The following MALRD1 variants were observed in gnomAD, a reference collection of about 807,000 sequenced individuals.
The protein encoded by MALRD1 is MAM and LDL receptor class A domain containing 1, also known as MAM and LDL-receptor class A domain-containing protein 1.
A neutral mutation model predicts 242.1 loss-of-function variants in MALRD1; 247 were observed. That is an observed-to-expected ratio of 1.02 (90% confidence interval 0.92 to 1.13). The LOEUF is 1.13. MALRD1 is among the 50% of genes most tolerant of loss of function. The probability of loss-of-function intolerance (pLI) is 0.00; values close to 1 mark genes in which losing one functional copy is unlikely to be tolerated. For synonymous variants in MALRD1, 995 were observed against 866.6 expected (o/e 1.15, Z -2.60); for missense variants, 2,989 against 2,533.1 (o/e 1.18, Z -3.86).
In MALRD1 at chr10:19,539,857, CGTGTGTGTGTGTGTGTGTGT is replaced by C. The variant is rs368123598; in HGVS notation, c.5478+8528_5478+8547del. On this transcript the variant is annotated intron_variant, in intron 32 of 39. Transcript: ENST00000454679. Reference sequence around the variant, plus strand: ...ATGCGCCACCACACCCAGCTTTGTGCGTGTGTGTGTGTGTGTGTGTGTGTGTGTGTGTGTGTGTGTGCGCG... The same window carrying C: ...ATGCGCCACCACACCCAGCTTTGTGCGTGTGTGTGTGTGTGTGTGTGCGCG... Among the ~76,000 whole-genome samples, 663 of 127,008 alleles carry C rather than the reference CGTGTGTGTGTGTGTGTGTGT, an allele frequency of 5.2e-3. 4 individuals are homozygous for C. Among genetic ancestry groups the C allele is most frequent in the Non-Finnish European group, 5.2e-3 (313 of 60,082 alleles). The allele number at this position is 127,008 out of a possible 152,430, so 83.3% of individuals were successfully genotyped here.
chr10:19,719,152 A>T (rs568363259), intron 38 of MALRD1, among the ~76,000 whole-genome samples: 1 of 137,410 alleles, frequency 7.3e-6, no homozygotes, highest in African/African-American at 2.8e-5. Context: ...ACACTGTCCA[A>T]ATTATATATA....
intron 1 of MALRD1, among the ~76,000 whole-genome samples, chr10:19,051,804 C>A (rs777859494): frequency 6.6e-6 from 1 of 151,596 alleles, no homozygotes; most frequent in Non-Finnish European, 1.5e-5. Context: ...TGCCTGTAGT[C>A]CCAGCTACTT....
chr10:19,690,702 T>C (rs1391939209), intron 36 of MALRD1, among the ~76,000 whole-genome samples: 3 of 151,894 alleles, frequency 2.0e-5, no homozygotes, highest in South Asian at 2.1e-4. Context: ...ACCAGTACTC[T>C]ATTTGTTCAT....
chr10:19,579,005 A>G (rs948120281), intron 33 of MALRD1, among the ~76,000 whole-genome samples: 8 of 152,148 alleles, frequency 5.3e-5, no homozygotes, highest in African/African-American at 1.9e-4. Context: ...GCAGAAATTC[A>G]TGTAAACCTC....
At chr10:19,620,320 C>G (rs1321855213) in intron 36 of MALRD1, among the ~76,000 whole-genome samples, 2 of 152,004 alleles carry the variant, frequency 1.3e-5, no homozygotes, top group South Asian at 4.1e-4. Context: ...CGTCCTCCCA[C>G]CCTCCACTCT....
chr10:19,081,067 A>G (rs566241955), intron 2 of MALRD1, among the ~76,000 whole-genome samples: 31 of 152,274 alleles, frequency 2.0e-4, no homozygotes, highest in Non-Finnish European at 3.7e-4. Context: ...CAATGAGATT[A>G]CCATCTCACA....
At chr10:19,680,535 G>A (rs570892808) in intron 36 of MALRD1, among the ~76,000 whole-genome samples, 6 of 152,052 alleles carry the variant, frequency 3.9e-5, no homozygotes, top group South Asian at 2.1e-4. Flanking sequence ...TGTATCTTTC[G>A]ATGTGAGATG....
At chr10:19,341,516 GTA>G (rs1215371249) in intron 24 of MALRD1, among the ~76,000 whole-genome samples, 24 of 133,102 alleles carry the variant, frequency 1.8e-4, no homozygotes, top group Admixed American at 1.1e-3. Flanking sequence ...ATATATGTGT[GTA>G]TATATGTATA....
chr10:19,599,947 T>A (rs1028259021), intron 34 of MALRD1, among the ~76,000 whole-genome samples: 2 of 152,140 alleles, frequency 1.3e-5, no homozygotes, highest in African/African-American at 4.8e-5. Context: ...ATCCTTATCA[T>A]CCAGCCTTCC....
intron 5 of MALRD1, 86 bp from the exon 6 acceptor site, chr10:19,123,406 G>A: frequency 1.5e-6 from 1 of 685,394 alleles, no homozygotes; most frequent in Non-Finnish European, 2.0e-6. Context: ...GTGCTTTGTA[G>A]AATGAATATT....
At chr10:19,201,616 A>G (rs1836545170) in intron 14 of MALRD1, among the ~76,000 whole-genome samples, 1 of 152,194 alleles carries the variant, frequency 6.6e-6, no homozygotes, top group Non-Finnish European at 1.5e-5. Context: ...TATTGAAATG[A>G]CATCTAGACA....
intron 25 of MALRD1, among the ~76,000 whole-genome samples, chr10:19,349,179 T>C (rs1344342138): frequency 1.3e-5 from 2 of 152,188 alleles, no homozygotes; most frequent in Non-Finnish European, 2.9e-5. Flanking sequence ...CAGGCTGGTC[T>C]CGAACTCCTG....
At chr10:19,272,494 T>G (rs911494034) in intron 19 of MALRD1, among the ~76,000 whole-genome samples, 66 of 152,304 alleles carry the variant, frequency 4.3e-4, no homozygotes, top group African/African-American at 1.5e-3. Flanking sequence ...TATTTAAAAA[T>G]ATTTCGTTTT....
intron 26 of MALRD1, among the ~76,000 whole-genome samples, chr10:19,372,136 T>G (rs1474466264): frequency 6.7e-6 from 1 of 150,354 alleles, no homozygotes; most frequent in Non-Finnish European, 1.5e-5. Context: ...AAATAATAGT[T>G]GTATGAGAAC....
intron 5 of MALRD1, among the ~76,000 whole-genome samples, chr10:19,107,787 T>G (rs1161053856): frequency 3.3e-5 from 5 of 152,124 alleles, no homozygotes; most frequent in African/African-American, 1.2e-4. Context: ...ATTTCTCATT[T>G]GTTTATCTGC....
In MALRD1 at chr10:19,704,430, T is replaced by C. The variant is rs116107656; in HGVS notation, c.6314+11876T>C. Among the ~76,000 whole-genome samples the C allele has an allele frequency of 6.9e-3, 1,057 of 152,316 alleles. 17 individuals carry two copies. The highest frequency in any genetic ancestry group is 0.026 in the East Asian group (135 of 5,166). Reference sequence around the variant, plus strand: ...AAAGAGAGAAAGATCTGGAGCCTCTTTGCCTTCTTATAAGGGCATGAGGGG... The same window carrying C: ...AAAGAGAGAAAGATCTGGAGCCTCTCTGCCTTCTTATAAGGGCATGAGGGG... On this transcript the variant is annotated intron_variant, in intron 38 of 39. Transcript: ENST00000454679.
At chr10:19,055,230 C>T (rs899988601) in intron 1 of MALRD1, among the ~76,000 whole-genome samples, 12 of 151,940 alleles carry the variant, frequency 7.9e-5, no homozygotes, top group African/African-American at 2.4e-4. Flanking sequence ...GGTCCTTTGC[C>T]CACTTTTAAA....
intron 39 of MALRD1, among the ~76,000 whole-genome samples, chr10:19,732,285 G>A (rs1473643817): frequency 6.6e-6 from 1 of 151,782 alleles, no homozygotes; most frequent in Non-Finnish European, 1.5e-5. Context: ...TTTTTGAGAC[G>A]GAGTTTCACT....
intron 28 of MALRD1, among the ~76,000 whole-genome samples, chr10:19,419,022 G>A (rs1013842115): frequency 1.3e-5 from 2 of 152,054 alleles, no homozygotes; most frequent in African/African-American, 4.8e-5. Context: ...AAATCATTTG[G>A]TGGTTTCCCA....
Sources: gnomAD v4.1 joint callset for allele counts (sites outside exome capture counted in the v4.1 genomes callset) on GRCh38, gnomAD v4.1.1 for gene constraint, MANE v1.5 for transcripts, NCBI Gene and HGNC (gene_info 2026-07-23, HGNC 2026-07-21) for gene names.